ACBD6: variants seen among roughly 807,000 people sequenced by gnomAD.
The protein encoded by ACBD6 is acyl-CoA binding domain containing 6, also known as acyl-CoA-binding domain-containing protein 6.
A neutral mutation model predicts 37.2 loss-of-function variants in ACBD6; 28 were observed. That is an observed-to-expected ratio of 0.75 (90% CI 0.56 to 1.03). The LOEUF (loss-of-function observed/expected upper bound fraction) is 1.03, where lower values mean the gene tolerates loss of function less well. ACBD6 is among the 50% of genes least tolerant of loss of function. ACBD6 has a pLI of 0.00. For synonymous variants in ACBD6, 113 were observed against 126.8 expected (o/e 0.89, Z 0.73); for missense variants, 340 against 337.4 (o/e 1.01, Z -0.06).
At chr1:180,377,492 G>A (rs1478113471) in intron 6 of ACBD6, among the ~76,000 whole-genome samples, 1 of 152,146 alleles carries the variant, frequency 6.6e-6, no homozygotes, top group Non-Finnish European at 1.5e-5. Context: ...CTAGAGTAGG[G>A]AAAATATAAG....
At chr1:180,318,175 C>CAAA (rs1553291889) in intron 6 of ACBD6, among the ~76,000 whole-genome samples, 3 of 102,748 alleles carry the variant, frequency 2.9e-5, no homozygotes, top group Non-Finnish European at 6.4e-5. Context: ...CCCCCCCCCC[C>CAAA]AAAAAAAAAA....
chr1:180,278,087 C>T (rs993400149), intron 9 of ACBD6: 3 of 152,206 alleles, frequency 2.0e-5, no homozygotes, highest in African/African-American at 7.2e-5. Context: ...GTATGACAGT[C>T]CACTCTCTGC....
At position 180,436,343 on chromosome 1, in the gene ACBD6, G is replaced by A. The variant is rs74132847; in HGVS notation, c.385-6081C>T. On this transcript the variant is annotated intron_variant, in intron 3 of 7. Coordinates refer to ENST00000367595, the MANE Select transcript of ACBD6 (RefSeq NM_032360.4). ...GATGAGAAGCTCACTACTTGATGGT[G>A]TGTACAAACTCACCTGAATGGGATT... Among the ~76,000 whole-genome samples the A allele has an allele frequency of 6.6e-3, 1,008 of 152,262 alleles. 17 individuals carry two copies. The highest frequency in any genetic ancestry group is 0.023 in the African/African-American group (962 of 41,538).
At chr1:180,316,941 T>C (rs866540283) in intron 6 of ACBD6, among the ~76,000 whole-genome samples, 4 of 152,122 alleles carry the variant, frequency 2.6e-5, no homozygotes, top group Non-Finnish European at 5.9e-5. Flanking sequence ...CTATTTTAGA[T>C]AGAAAGGACT....
At chr1:180,437,119 G>A (rs1434171514) in intron 3 of ACBD6, among the ~76,000 whole-genome samples, 5 of 152,154 alleles carry the variant, frequency 3.3e-5, no homozygotes, top group Non-Finnish European at 7.3e-5. Context: ...CAAATACTTT[G>A]CAGTTTGGCT....
At position 180,393,059 on chromosome 1, in the gene ACBD6, CAA is replaced by C. The variant is rs1334437438; in HGVS notation, c.663+4455_663+4456del. Among the ~76,000 whole-genome samples the C allele has an allele frequency of 5.3e-5, 8 of 152,224 alleles. No individual in the cohort carries two copies. The East Asian group carries it at 1.5e-3, about 29-fold the overall frequency. On this transcript the variant is annotated intron_variant, in intron 6 of 7. Coordinates refer to ENST00000367595, the MANE Select transcript of ACBD6 (RefSeq NM_032360.4). ...AATCTTTCTTCAGGGCTTGAAAAAT[CAA>C]AGTTACTCAAGAAGTCAGAGAAGGG...
intron 6 of ACBD6, among the ~76,000 whole-genome samples, chr1:180,336,690 C>CA (rs1651734093): frequency 6.6e-6 from 1 of 151,364 alleles, no homozygotes; most frequent in Non-Finnish European, 1.5e-5. Context: ...GATAGAGACA[C>CA]AAAAAACCCT....
chr1:180,312,935 T>C (rs1179399675), intron 7 of ACBD6, among the ~76,000 whole-genome samples: 7 of 152,178 alleles, frequency 4.6e-5, no homozygotes, highest in Non-Finnish European at 8.8e-5. Context: ...AACGCAGAAG[T>C]CTGGCTTACG....
At chr1:180,422,745 T>C (rs1019764768) in intron 4 of ACBD6, among the ~76,000 whole-genome samples, 1 of 152,182 alleles carries the variant, frequency 6.6e-6, no homozygotes, top group Non-Finnish European at 1.5e-5. Flanking sequence ...AATGATAAAA[T>C]ACTCAAAAAC....
Position 180,288,531 on chromosome 1 carries a change from T to C in ACBD6, c.695-14A>G, listed in dbSNP as rs747446752. 2 of 1,609,550 alleles carry C rather than the reference T, an allele frequency of 1.2e-6. No individual in the cohort carries two copies. Among genetic ancestry groups the C allele is most frequent in the East Asian group, 2.2e-5 (1 of 44,716 alleles). On this transcript the variant is annotated splice_polypyrimidine_tract_variant and intron_variant, in intron 7 of 7. Coordinates refer to ENST00000367595, the MANE Select transcript of ACBD6 (RefSeq NM_032360.4). Reference sequence around the variant, plus strand: ...CACAGGCAGAGGCTGAAAGGAAAATTGACAAATATGAAAACAAGTTTACCA... The same window carrying C: ...CACAGGCAGAGGCTGAAAGGAAAATCGACAAATATGAAAACAAGTTTACCA...
chr1:180,404,903 A>T (rs1321602980), intron 5 of ACBD6, among the ~76,000 whole-genome samples: 1 of 152,172 alleles, frequency 6.6e-6, no homozygotes, highest in Non-Finnish European at 1.5e-5. Flanking sequence ...CTATTTTCTG[A>T]TTTTGTATTA....
chr1:180,305,488 G>T (rs1353295923), intron 7 of ACBD6, among the ~76,000 whole-genome samples: 2 of 152,156 alleles, frequency 1.3e-5, no homozygotes, highest in African/African-American at 4.8e-5. Flanking sequence ...GCAGCCAAAA[G>T]ACACATGAAA....
chr1:180,413,486 A>G lies in ACBD6; in HGVS notation c.468-15T>C. 3.8e-6 allele frequency: 6 copies of G among 1,571,114 alleles called. No individual in the cohort carries two copies. Among genetic ancestry groups the G allele is most frequent in the Non-Finnish European group, 5.2e-6 (6 of 1,144,310 alleles). On this transcript the variant is annotated splice_polypyrimidine_tract_variant and intron_variant, in intron 4 of 7. Transcript: ENST00000367595. ...TGTCTTCTTCCCTAGAATAAAAAAA[A>G]GAAAGGTCTTTTTTTACTGGGTAAT...
intron 3 of ACBD6, among the ~76,000 whole-genome samples, chr1:180,470,623 T>C (rs988450661): frequency 6.6e-6 from 1 of 152,204 alleles, no homozygotes; most frequent in Non-Finnish European, 1.5e-5. Context: ...AAACAGTGCC[T>C]AGAAGATCTC....
Position 180,419,633 on chromosome 1 carries a change from T to C in ACBD6, c.468-6162A>G, listed in dbSNP as rs556416527. On this transcript the variant is annotated intron_variant, in intron 4 of 7. Coordinates refer to ENST00000367595, the MANE Select transcript of ACBD6 (RefSeq NM_032360.4). ...AACTTAACTACTAGTAGGCTACTGT[T>C]GACCTGAAGGCTTATCGATAAACAG... Among the ~76,000 whole-genome samples, 9 of 152,362 alleles carry C rather than the reference T, an allele frequency of 5.9e-5. No homozygotes were observed. The South Asian group carries it at 1.9e-3, about 32-fold the overall frequency.
intron 7 of ACBD6, among the ~76,000 whole-genome samples, chr1:180,305,211 A>G (rs1173639940): frequency 2.0e-5 from 3 of 152,052 alleles, no homozygotes; most frequent in Non-Finnish European, 4.4e-5. Flanking sequence ...TGTCTACAAC[A>G]CCCAAAAGCA....
rs1256413617 is a variant in ACBD6, at chr1:180,344,315, G to C, written c.664-29593C>G. On this transcript the variant is annotated intron_variant, in intron 6 of 7. Transcript: ENST00000367595. ...CACAGAGAATAGCCAGCCATAAAGA[G>C]GACTGGGCTGCATGCCAACCAGTAG... Among the ~76,000 whole-genome samples the C allele has an allele frequency of 3.3e-5, 5 of 152,070 alleles. 1 individual carries two copies. The highest frequency in any genetic ancestry group is 7.4e-5 in the Non-Finnish European group (5 of 68,006).
At chr1:180,271,314 G>A (rs1050338704) in exon 14 of ACBD6, 12 of 1,564,306 alleles carry the variant, frequency 7.7e-6, no homozygotes, top group African/African-American at 1.4e-5. Flanking sequence ...TGGAAGGGAG[G>A]GTGTGGGAGG....
intron 9 of ACBD6, among the ~76,000 whole-genome samples, chr1:180,280,629 A>C (rs1649279765): frequency 6.6e-6 from 1 of 152,170 alleles, no homozygotes; most frequent in Admixed American, 6.5e-5. Flanking sequence ...TGCCAAAATC[A>C]TCTCCCGCGT....
Sources: allele counts gnomAD v4.1 joint callset (sites outside exome capture counted in the v4.1 genomes callset), GRCh38; gene constraint gnomAD v4.1.1; transcripts MANE v1.5; gene names NCBI Gene and HGNC (gene_info 2026-07-23, HGNC 2026-07-21).